DAPK1: variants seen among roughly 807,000 people sequenced by gnomAD.
DAPK1 encodes the protein death-associated protein kinase 1.
A neutral mutation model predicts 144.9 loss-of-function variants in DAPK1; 56 were observed. That is an observed-to-expected ratio of 0.39 (90% CI 0.31 to 0.48). The LOEUF is 0.48. Among genes scored for constraint, DAPK1 ranks in the 20% least tolerant of loss-of-function variants. The probability of loss-of-function intolerance (pLI) is 0.95; values close to 1 mark genes in which losing one functional copy is unlikely to be tolerated. For missense variants in DAPK1, 1,454 were observed against 1,875.4 expected (o/e 0.78, Z 4.15); for synonymous variants, 690 against 749.0 (o/e 0.92, Z 1.29).
intron 1 of DAPK1, 22 bp from the exon 2 acceptor site, chr9:87,498,948 G>A: frequency 1.5e-6 from 1 of 677,204 alleles, no homozygotes; most frequent in East Asian, 2.6e-5. Context: ...TATTATTATT[G>A]CCTTTTTTTT....
intron 2 of DAPK1, among the ~76,000 whole-genome samples, chr9:87,521,091 T>C (rs1563972355): frequency 6.6e-6 from 1 of 152,210 alleles, no homozygotes; most frequent in African/African-American, 2.4e-5. Context: ...TTGTACAAAT[T>C]ATGTTCCTTA....
chr9:87,601,007 CA>C (rs927632244), intron 2 of DAPK1, among the ~76,000 whole-genome samples: 1 of 152,140 alleles, frequency 6.6e-6, no homozygotes, highest in Non-Finnish European at 1.5e-5. Context: ...AGTAAACACA[CA>C]AGCTGTTTTT....
At chr9:87,543,991 G>A (rs1162645592) in intron 2 of DAPK1, among the ~76,000 whole-genome samples, 1 of 152,120 alleles carries the variant, frequency 6.6e-6, no homozygotes, top group Non-Finnish European at 1.5e-5. Flanking sequence ...TCCTCTGGAA[G>A]GCAGGGATTC....
chr9:87,514,252 T>C (rs12351156), intron 2 of DAPK1, among the ~76,000 whole-genome samples: 37,786 of 152,044 alleles, frequency 0.25, 5,295 homozygotes, highest in East Asian at 0.43. Flanking sequence ...CCAGAGCTGG[T>C]GAGGGGAGAG....
At chr9:87,598,971 T>G (rs562663517) in intron 2 of DAPK1, among the ~76,000 whole-genome samples, 1 of 152,222 alleles carries the variant, frequency 6.6e-6, no homozygotes, top group Non-Finnish European at 1.5e-5. Context: ...TAGAACACCT[T>G]GTGAGTCTTC....
intron 2 of DAPK1, among the ~76,000 whole-genome samples, chr9:87,513,665 G>C (rs1228198453): frequency 6.6e-6 from 1 of 152,248 alleles, no homozygotes; most frequent in Non-Finnish European, 1.5e-5. Flanking sequence ...GCTGGAAGCA[G>C]TAGTTGGACT....
intron 2 of DAPK1, among the ~76,000 whole-genome samples, chr9:87,544,110 A>G (rs957235235): frequency 2.0e-5 from 3 of 152,338 alleles, no homozygotes; most frequent in Admixed American, 6.5e-5. Flanking sequence ...ATAATTCATT[A>G]TCTAAATTTT....
chr9:87,695,884 C>G (rs1469196880), intron 21 of DAPK1, among the ~76,000 whole-genome samples: 1 of 152,178 alleles, frequency 6.6e-6, no homozygotes, highest in Non-Finnish European at 1.5e-5. Flanking sequence ...CACCTTCTCT[C>G]AATTAATCCT....
chr9:87,511,068 TC>T (rs1427571973), intron 2 of DAPK1, among the ~76,000 whole-genome samples: 1 of 152,172 alleles, frequency 6.6e-6, no homozygotes, highest in African/African-American at 2.4e-5. Context: ...TGCCCTGGCC[TC>T]CCACAGGCAG....
intron 2 of DAPK1, among the ~76,000 whole-genome samples, chr9:87,579,598 T>C (rs2118819075): frequency 6.6e-6 from 1 of 152,254 alleles, no homozygotes; most frequent in African/African-American, 2.4e-5. Context: ...TGAGCATCAC[T>C]TGGGAGGTAG....
At chr9:87,566,721 G>A (rs1324788291) in intron 2 of DAPK1, among the ~76,000 whole-genome samples, 2 of 152,188 alleles carry the variant, frequency 1.3e-5, no homozygotes, top group Non-Finnish European at 2.9e-5. Context: ...ACTGACTGAT[G>A]TTCGGAATGA....
chr9:87,582,366 A>G (rs538307682), intron 2 of DAPK1, among the ~76,000 whole-genome samples: 2 of 152,244 alleles, frequency 1.3e-5, no homozygotes, highest in South Asian at 2.1e-4. Context: ...AGCCTGTTGG[A>G]GCTTAGTAAT....
intron 2 of DAPK1, among the ~76,000 whole-genome samples, chr9:87,520,754 T>C (rs1825266083): frequency 6.6e-6 from 1 of 152,212 alleles, no homozygotes; most frequent in Non-Finnish European, 1.5e-5. Flanking sequence ...GAAATGTTTG[T>C]GTGTGTATAC....
At chr9:87,687,576 A>G (rs1346145863) in intron 21 of DAPK1, among the ~76,000 whole-genome samples, 1 of 152,124 alleles carries the variant, frequency 6.6e-6, no homozygotes, top group Non-Finnish European at 1.5e-5. Context: ...TATCTTTGCT[A>G]TTGTGAATAG....
chr9:87,679,245 G>T (rs1824514495), intron 19 of DAPK1, among the ~76,000 whole-genome samples: 1 of 152,094 alleles, frequency 6.6e-6, no homozygotes, highest in South Asian at 2.1e-4. Flanking sequence ...CAGGTCGGGG[G>T]TCACCATGGA....
chr9:87,646,478 A>G lies in DAPK1; in HGVS notation c.1149A>G (p.Leu383=). The G allele has an allele frequency of 6.2e-7, 1 of 1,613,736 alleles. No individual in the cohort carries two copies. Among genetic ancestry groups the G allele is most frequent in the Non-Finnish European group, 8.5e-7 (1 of 1,179,690 alleles). Residue 383 remains leucine, a synonymous_variant, in exon 13 of 26, where the codon TTA becomes TTG. Transcript: ENST00000408954. ...NQPNKHGTPP[L]LIAAGCGNIQ... ...TATTCTAGCACGGGACACCTCCATTACTCATTGCTGCTGGCTGTGGGAATA... is the reference window on the plus strand; with the variant it reads ...TATTCTAGCACGGGACACCTCCATTGCTCATTGCTGCTGGCTGTGGGAATA...
chr9:87,632,921 T>A (rs925229635), intron 3 of DAPK1: 1 of 899,792 alleles, frequency 1.1e-6, no homozygotes, highest in Non-Finnish European at 1.3e-6. Flanking sequence ...TATATATATA[T>A]AAATGAAGGG....
intron 4 of DAPK1, 77 bp downstream of exon 4, chr9:87,638,158 A>G: frequency 7.0e-7 from 1 of 1,435,496 alleles, no homozygotes; most frequent in Non-Finnish European, 9.4e-7. Flanking sequence ...AGAAAAATTG[A>G]GGCATCTGAA....
Position 87,599,305 on chromosome 9 carries a change from T to A in DAPK1, c.63-5649T>A, listed in dbSNP as rs182918534. ...GTCAGAAGAGATGACGATGTGTATCTCATGGAGTTGTGATTATTAATAAAG... is the reference window on the plus strand; with the variant it reads ...GTCAGAAGAGATGACGATGTGTATCACATGGAGTTGTGATTATTAATAAAG... On this transcript the variant is annotated intron_variant, in intron 2 of 25. Coordinates refer to ENST00000408954, the MANE Select transcript of DAPK1 (RefSeq NM_004938.4). 4.6e-3 allele frequency among the ~76,000 whole-genome samples: 707 copies of A among 152,316 alleles called. 7 individuals carry two copies. The highest frequency in any genetic ancestry group is 0.015 in the African/African-American group (642 of 41,558).
Sources: gnomAD v4.1 joint callset for allele counts (sites outside exome capture counted in the v4.1 genomes callset) on GRCh38, gnomAD v4.1.1 for gene constraint, MANE v1.5 for transcripts, NCBI Gene and HGNC (gene_info 2026-07-23, HGNC 2026-07-21) for gene names.